CEP112: variants seen among roughly 807,000 people sequenced by gnomAD.
The protein encoded by CEP112 is centrosomal protein 112, also known as centrosomal protein of 112 kDa.
CEP112 carries 127 observed loss-of-function variants against 153.0 expected under a neutral mutation model. The ratio of observed to expected loss-of-function variants is 0.83; its 90% CI spans 0.72 to 0.96. The LOEUF is 0.96. CEP112 is among the 40% of genes least tolerant of loss of function. CEP112 has a pLI of 0.00. For synonymous variants in CEP112, 358 were observed against 374.4 expected, an observed-to-expected ratio of 0.96 and a Z score of 0.51; for missense variants, 1,089 against 1,101.2, an observed-to-expected ratio of 0.99 and a Z score of 0.16.
chr17:65,729,924 C>T (rs1355065246), intron 23 of CEP112, among the ~76,000 whole-genome samples: 2 of 116,852 alleles, frequency 1.7e-5, no homozygotes, highest in African/African-American at 1.0e-4. Flanking sequence ...AACAAACAAA[C>T]AAACAAACAA....
At chr17:66,066,642 A>G (rs1217245361) in intron 10 of CEP112, 136 bp downstream of exon 10, 2 of 532,638 alleles carry the variant, frequency 3.8e-6, no homozygotes, top group Non-Finnish European at 6.2e-6. Flanking sequence ...GCCTATATAA[A>G]TATATCCACT....
At chr17:66,063,213 T>A in intron 10 of CEP112, 132 bp from the exon 11 acceptor site, 1 of 448,364 alleles carries the variant, frequency 2.2e-6, no homozygotes. Flanking sequence ...TTCTAAAATA[T>A]CTTTTATTCC....
At chr17:65,960,417 C>T (rs910593613) in intron 18 of CEP112, among the ~76,000 whole-genome samples, 7 of 152,118 alleles carry the variant, frequency 4.6e-5, no homozygotes, top group Non-Finnish European at 1.0e-4. Context: ...TACATATTAT[C>T]TATGGGCATT....
intron 8 of CEP112, among the ~76,000 whole-genome samples, chr17:66,075,864 A>T (rs2067473166): frequency 6.6e-6 from 1 of 152,144 alleles, no homozygotes; most frequent in South Asian, 2.1e-4. Context: ...CGCGGGAGAC[A>T]CCCCAAATAC....
intron 8 of CEP112, among the ~76,000 whole-genome samples, chr17:66,079,688 C>T (rs1396014274): frequency 6.6e-6 from 1 of 151,990 alleles, no homozygotes; most frequent in East Asian, 1.9e-4. Flanking sequence ...CAAAGAAGAG[C>T]CCATACAGCC....
At chr17:66,119,185 G>T (rs922579272) in intron 6 of CEP112, among the ~76,000 whole-genome samples, 1 of 152,140 alleles carries the variant, frequency 6.6e-6, no homozygotes, top group Admixed American at 6.5e-5. Context: ...ACACACTGGG[G>T]CCTGTCAGGG....
Position 65,742,169 on chromosome 17 carries a change from A to C in CEP112, c.2607+899T>G, listed in dbSNP as rs76699065. ...ACTAACTCTTCCCAACGTTACTCAG[A>C]TTGCCTGCAACAGGCTATAGAAAAA... is the stretch of plus-strand genomic sequence containing the variant. On this transcript the variant is annotated intron_variant, in intron 23 of 26. Transcript: ENST00000535342. Among the ~76,000 whole-genome samples the C allele has an allele frequency of 9.9e-3, 1,510 of 152,218 alleles. 25 individuals are homozygous for C. The highest frequency in any genetic ancestry group is 0.034 in the African/African-American group (1,431 of 41,532).
At chr17:65,810,165 T>C (rs904443219) in intron 21 of CEP112, among the ~76,000 whole-genome samples, 2 of 152,210 alleles carry the variant, frequency 1.3e-5, no homozygotes, top group African/African-American at 4.8e-5. Flanking sequence ...TAAGTATTAA[T>C]AGAAAGACCT....
In CEP112 at chr17:66,096,599, T is replaced by G; in HGVS notation, c.676A>C (p.Ile226Leu). ...TTCTCACATACCAGAGAAACTGGGA[T>G]AGGCTTCTGTCTCAGGTATCGAGGA... ...ENPRYLRQKP[I>L]PVSLMTPKFS... is the part of the protein sequence containing the mutation. The change falls in exon 7 of 27, where the codon ATC becomes CTC. Residue 226 changes from isoleucine to leucine, a missense_variant. Coordinates refer to ENST00000535342, the MANE Select transcript of CEP112 (RefSeq NM_001199165.4). The G allele has an allele frequency of 6.3e-7, 1 of 1,594,746 alleles. No individual in the cohort carries two copies. Among genetic ancestry groups the G allele is most frequent in the Non-Finnish European group, 8.6e-7 (1 of 1,165,716 alleles).
intron 12 of CEP112, among the ~76,000 whole-genome samples, chr17:66,035,468 A>G (rs937128700): frequency 1.3e-5 from 2 of 152,090 alleles, no homozygotes; most frequent in African/African-American, 4.8e-5. Flanking sequence ...AGTTGTGGAG[A>G]AACTGGTACC....
At chr17:65,949,348 G>C (rs2061744587) in intron 18 of CEP112, among the ~76,000 whole-genome samples, 1 of 152,186 alleles carries the variant, frequency 6.6e-6, no homozygotes, top group Non-Finnish European at 1.5e-5. Context: ...ATTGAAACCA[G>C]TGAAGAATAT....
At chr17:65,832,864 C>G (rs1467404027) in intron 21 of CEP112, among the ~76,000 whole-genome samples, 1 of 152,048 alleles carries the variant, frequency 6.6e-6, no homozygotes, top group East Asian at 1.9e-4. Flanking sequence ...GAGGCCAGCA[C>G]CATCCTGACA....
intron 21 of CEP112, among the ~76,000 whole-genome samples, chr17:65,827,779 G>A (rs886318194): frequency 6.6e-6 from 1 of 152,110 alleles, no homozygotes; most frequent in Non-Finnish European, 1.5e-5. Flanking sequence ...CTCTAGCAAT[G>A]CCAGCCATGC....
intron 24 of CEP112, among the ~76,000 whole-genome samples, chr17:65,683,558 A>C (rs755205647): frequency 6.6e-6 from 1 of 152,194 alleles, no homozygotes; most frequent in Non-Finnish European, 1.5e-5. Flanking sequence ...GGCTCCCCGG[A>C]GGGCTGCAAG....
chr17:65,699,617 CTTTTG>C (rs1300430474), intron 23 of CEP112, among the ~76,000 whole-genome samples: 1 of 152,002 alleles, frequency 6.6e-6, no homozygotes, highest in East Asian at 1.9e-4. Context: ...GGCCACATTT[CTTTTG>C]TTTGTTTGTT....
At chr17:65,932,771 G>C (rs1411455009) in intron 18 of CEP112, among the ~76,000 whole-genome samples, 1 of 152,056 alleles carries the variant, frequency 6.6e-6, no homozygotes, top group African/African-American at 2.4e-5. Flanking sequence ...ACAGCACCAA[G>C]GGGATGATGC....
Position 65,820,765 on chromosome 17 carries a change from T to C in CEP112, c.2394+31039A>G, listed in dbSNP as rs114053304. 1.6e-3 allele frequency among the ~76,000 whole-genome samples: 242 copies of C among 152,280 alleles called. 1 individual carries two copies. Among genetic ancestry groups the C allele is most frequent in the African/African-American group, 5.6e-3 (232 of 41,576 alleles). ...CATAGAAATAACAGGCCTAAATTTA[T>C]AGAAATATAGGCCTAAATTATAAAT... On this transcript the variant is annotated intron_variant, in intron 21 of 26. Coordinates refer to ENST00000535342, the MANE Select transcript of CEP112 (RefSeq NM_001199165.4).
At chr17:66,027,120 G>A (rs1055213468) in intron 16 of CEP112, among the ~76,000 whole-genome samples, 2 of 152,120 alleles carry the variant, frequency 1.3e-5, no homozygotes, top group Non-Finnish European at 2.9e-5. Context: ...CTCATGCCTG[G>A]AATCCCAGCA....
intron 17 of CEP112, among the ~76,000 whole-genome samples, chr17:65,972,303 C>G (rs1218736336): frequency 2.0e-5 from 3 of 151,528 alleles, no homozygotes; most frequent in African/African-American, 7.3e-5. Flanking sequence ...AGCCCATGGA[C>G]CAAAGAAAAA....
Sources: allele counts gnomAD v4.1 joint callset (sites outside exome capture counted in the v4.1 genomes callset), GRCh38; gene constraint gnomAD v4.1.1; transcripts MANE v1.5; gene names NCBI Gene and HGNC (gene_info 2026-07-23, HGNC 2026-07-21).